The following SND1 variants were observed in gnomAD, a reference collection of about 807,000 sequenced individuals.
The protein encoded by SND1 is staphylococcal nuclease and tudor domain containing 1, also known as staphylococcal nuclease domain-containing protein 1.
SND1 carries 38 observed loss-of-function variants against 121.7 expected under a neutral mutation model. The ratio of observed to expected loss-of-function variants is 0.31; its 90% CI spans 0.24 to 0.41. The LOEUF (loss-of-function observed/expected upper bound fraction) is 0.41, where lower values mean the gene tolerates loss of function less well. Among genes scored for constraint, SND1 ranks in the 10% least tolerant of loss-of-function variants. SND1 has a pLI of 1.00. For synonymous variants in SND1, 401 were observed against 447.4 expected (o/e 0.90, Z 1.31); for missense variants, 868 against 1,184.6 (o/e 0.73, Z 3.92).
intron 12 of SND1, among the ~76,000 whole-genome samples, chr7:127,874,853 A>G (rs1055360546): frequency 6.6e-6 from 1 of 152,148 alleles, no homozygotes; most frequent in African/African-American, 2.4e-5. Context: ...CAAATTTACA[A>G]TATGTGGATA....
intron 16 of SND1, among the ~76,000 whole-genome samples, chr7:128,007,490 A>G (rs1333627830): frequency 6.6e-6 from 1 of 152,238 alleles, no homozygotes; most frequent in Non-Finnish European, 1.5e-5. Flanking sequence ...GATGGCAAAT[A>G]GTCCTGCTCC....
intron 21 of SND1, among the ~76,000 whole-genome samples, chr7:128,089,089 C>CT (rs762511884): frequency 2.0e-5 from 3 of 152,046 alleles, no homozygotes; most frequent in Non-Finnish European, 4.4e-5. Context: ...AAGTCTCACT[C>CT]TGTCACCCAG....
chr7:128,057,376 A>G (rs1793160313), intron 16 of SND1, among the ~76,000 whole-genome samples: 1 of 152,226 alleles, frequency 6.6e-6, no homozygotes, highest in Non-Finnish European at 1.5e-5. Context: ...CGTCGCTGGT[A>G]ATATAGACCA....
intron 11 of SND1, among the ~76,000 whole-genome samples, chr7:127,821,927 A>G (rs1798556428): frequency 6.6e-6 from 1 of 152,222 alleles, no homozygotes; most frequent in Non-Finnish European, 1.5e-5. Context: ...ATGGGCAGAC[A>G]TTTGAATTAT....
At chr7:127,669,372 CAATT>C (rs1795475348) in intron 1 of SND1, among the ~76,000 whole-genome samples, 1 of 152,190 alleles carries the variant, frequency 6.6e-6, no homozygotes, top group African/African-American at 2.4e-5. Flanking sequence ...TCTAACCACT[CAATT>C]GATTATTTCC....
chr7:127,991,403 A>C (rs1022407864), intron 16 of SND1, among the ~76,000 whole-genome samples: 1 of 151,976 alleles, frequency 6.6e-6, no homozygotes, highest in Non-Finnish European at 1.5e-5. Context: ...TAACCCTGTC[A>C]GGGGCCAATT....
At chr7:128,031,800 C>A (rs950318108) in intron 16 of SND1, among the ~76,000 whole-genome samples, 30 of 147,092 alleles carry the variant, frequency 2.0e-4, no homozygotes, top group Non-Finnish European at 3.0e-4. Context: ...CGCTGCCCGG[C>A]CCCCGGCGCG....
chr7:127,697,551 T>C (rs1308165820), intron 3 of SND1, among the ~76,000 whole-genome samples: 2 of 152,236 alleles, frequency 1.3e-5, no homozygotes, highest in Non-Finnish European at 2.9e-5. Context: ...CTTTTCACTC[T>C]TTGGGATTCC....
chr7:127,960,422 C>G (rs1042895659), intron 15 of SND1, among the ~76,000 whole-genome samples: 4 of 152,216 alleles, frequency 2.6e-5, no homozygotes, highest in African/African-American at 7.2e-5. Flanking sequence ...TTAGAAAACA[C>G]TCTTTGGAGG....
At chr7:127,825,696 G>A (rs1451119238) in intron 11 of SND1, among the ~76,000 whole-genome samples, 1 of 151,696 alleles carries the variant, frequency 6.6e-6, no homozygotes, top group Non-Finnish European at 1.5e-5. Flanking sequence ...GTGAGCCACC[G>A]CACCTGGCCA....
At chr7:127,820,967 G>T (rs1798536532) in intron 11 of SND1, among the ~76,000 whole-genome samples, 1 of 152,188 alleles carries the variant, frequency 6.6e-6, no homozygotes, top group Non-Finnish European at 1.5e-5. Flanking sequence ...AGAGTTGACA[G>T]AGTATTAGCT....
chr7:128,030,546 C>T, intron 16 of SND1: 3 of 1,613,310 alleles, frequency 1.9e-6, no homozygotes, highest in Non-Finnish European at 2.5e-6. Context: ...GATGGCTGCA[C>T]ACAGAATCCA....
chr7:127,708,374 T>C (rs545011829), intron 9 of SND1, among the ~76,000 whole-genome samples: 16 of 149,032 alleles, frequency 1.1e-4, no homozygotes, highest in Non-Finnish European at 1.8e-4. Context: ...TTCCTTCCTT[T>C]CTTCCTTCCT....
intron 10 of SND1, among the ~76,000 whole-genome samples, chr7:127,789,663 A>C (rs1797875432): frequency 1.3e-5 from 2 of 152,222 alleles, no homozygotes; most frequent in Non-Finnish European, 2.9e-5. Context: ...TTTTCCCTAA[A>C]GCCTCATCTT....
intron 12 of SND1, 74 bp downstream of exon 12, chr7:127,844,498 C>A: frequency 8.2e-7 from 1 of 1,214,526 alleles, no homozygotes. Context: ...TTGAATCTTT[C>A]CTTCCTTTCA....
chr7:127,793,636 T>G (rs993043313), intron 10 of SND1, among the ~76,000 whole-genome samples: 1 of 152,138 alleles, frequency 6.6e-6, no homozygotes, highest in Non-Finnish European at 1.5e-5. Flanking sequence ...ATTTTATGGC[T>G]GGAAGGACAA....
chr7:127,759,787 G>T (rs915742807), intron 10 of SND1, among the ~76,000 whole-genome samples: 1 of 152,150 alleles, frequency 6.6e-6, no homozygotes, highest in Admixed American at 6.5e-5. Context: ...ACACCACAGG[G>T]TTCAGCTAGT....
chr7:127,805,447 C>CT (rs891723135), intron 10 of SND1, among the ~76,000 whole-genome samples: 4 of 152,096 alleles, frequency 2.6e-5, no homozygotes, highest in Non-Finnish European at 4.4e-5. Context: ...TCTGCCCCCA[C>CT]TTTTTTTAAC....
At chr7:128,066,498 CA>C (rs1019567846) in intron 16 of SND1, among the ~76,000 whole-genome samples, 1 of 152,222 alleles carries the variant, frequency 6.6e-6, no homozygotes, top group African/African-American at 2.4e-5. Context: ...CACAGTAGCA[CA>C]TGGAAAATCC....
Sources: allele counts gnomAD v4.1 joint callset (sites outside exome capture counted in the v4.1 genomes callset), GRCh38; gene constraint gnomAD v4.1.1; transcripts MANE v1.5; gene names NCBI Gene and HGNC (gene_info 2026-07-23, HGNC 2026-07-21).